MAPK10: variants seen among roughly 807,000 people sequenced by gnomAD.
MAPK10 encodes the protein mitogen-activated protein kinase 10.
In MAPK10, 25 loss-of-function variants were observed where a neutral mutation model predicts 59.3. The observed-to-expected ratio is 0.42, with a 90% CI of 0.31 to 0.59. The LOEUF is 0.59. MAPK10 is among the 20% of genes least tolerant of loss of function. The probability of loss-of-function intolerance (pLI) is 0.15; values close to 1 mark genes in which losing one functional copy is unlikely to be tolerated. For synonymous variants in MAPK10, 190 were observed against 200.5 expected (o/e 0.95, Z 0.44); for missense variants, 351 against 568.9 (o/e 0.62, Z 3.90).
chr4:86,571,327 C>T (rs1190680833), intron 1 of MAPK10, among the ~76,000 whole-genome samples: 1 of 139,644 alleles, frequency 7.2e-6, no homozygotes, highest in Non-Finnish European at 1.6e-5. Context: ...TATATATATA[C>T]GTGTGTGTGT....
intron 2 of MAPK10, among the ~76,000 whole-genome samples, chr4:86,244,316 A>C (rs1249637933): frequency 3.9e-5 from 6 of 152,230 alleles, no homozygotes; most frequent in Non-Finnish European, 8.8e-5. Context: ...TTATTCATAC[A>C]AGATCATTTT....
At chr4:86,522,578 T>A (rs1236345989) in intron 1 of MAPK10, among the ~76,000 whole-genome samples, 2 of 151,754 alleles carry the variant, frequency 1.3e-5, no homozygotes, top group African/African-American at 4.8e-5. Flanking sequence ...AAAAAAAAAA[T>A]TCTCCTGTTT....
intron 2 of MAPK10, among the ~76,000 whole-genome samples, chr4:86,337,514 G>A (rs1370309351): frequency 6.6e-6 from 1 of 152,132 alleles, no homozygotes; most frequent in African/African-American, 2.4e-5. Flanking sequence ...AAACAGAATG[G>A]GGAAATAGAA....
intron 1 of MAPK10, among the ~76,000 whole-genome samples, chr4:86,559,305 C>A (rs920508150): frequency 1.3e-5 from 2 of 151,552 alleles, no homozygotes; most frequent in African/African-American, 4.8e-5. Context: ...TCTAAAAATC[C>A]TATAATTTAA....
At chr4:86,400,332 C>T (rs978341996) in intron 1 of MAPK10, among the ~76,000 whole-genome samples, 1 of 152,080 alleles carries the variant, frequency 6.6e-6, no homozygotes, top group East Asian at 1.9e-4. Context: ...GATAAAGTGT[C>T]GTATTACAAG....
chr4:86,476,064 C>T (rs113612734), intron 1 of MAPK10, among the ~76,000 whole-genome samples: 13,356 of 152,128 alleles, frequency 0.088, 979 homozygotes, highest in African/African-American at 0.2. Context: ...AGATGCCTGA[C>T]GTCCAGGCAT....
chr4:86,129,196 C>T (rs2060586051), intron 4 of MAPK10, among the ~76,000 whole-genome samples: 1 of 152,060 alleles, frequency 6.6e-6, no homozygotes, highest in Non-Finnish European at 1.5e-5. Context: ...GATAAGGAAA[C>T]TGAGTCCCAT....
intron 2 of MAPK10, among the ~76,000 whole-genome samples, chr4:86,196,420 T>C (rs1321408343): frequency 6.6e-6 from 1 of 152,212 alleles, no homozygotes; most frequent in East Asian, 1.9e-4. Flanking sequence ...GTAAGCTTTT[T>C]TCTTGTAAAT....
At position 86,410,492 on chromosome 4, in the gene MAPK10, TG is replaced by T. The variant is rs1404610067; in HGVS notation, c.-122+42537del. Among the ~76,000 whole-genome samples the T allele has an allele frequency of 3.3e-5, 5 of 152,326 alleles. No homozygotes were observed. In the East Asian group the frequency reaches 9.6e-4, roughly 29 times the overall value. ...AGAAAGAATGGTACCAGCTCCTTTT[TG>T]TACCTCTGGTAGAATTCGGCTGTGA... On this transcript the variant is annotated intron_variant, in intron 1 of 13. Transcript: ENST00000361569.
intron 4 of MAPK10, among the ~76,000 whole-genome samples, chr4:86,115,029 T>G (rs1328213874): frequency 6.6e-6 from 1 of 152,168 alleles, no homozygotes; most frequent in Non-Finnish European, 1.5e-5. Context: ...ACCAGCAGCG[T>G]AAAATGGCCA....
rs901521162 is a variant in MAPK10, at chr4:86,012,366, A to G, written c.*4862T>C. Reference sequence around the variant, plus strand: ...TACAAGTTTCTTTTACCAGTTGCCAAAATGAAATCATGACACCCTTCAGAG... The same window carrying G: ...TACAAGTTTCTTTTACCAGTTGCCAGAATGAAATCATGACACCCTTCAGAG... On this transcript the variant is annotated 3_prime_UTR_variant, in exon 14 of 14. Transcript: ENST00000641462. 1 of 152,198 alleles carries G rather than the reference A, an allele frequency of 6.6e-6. No individual in the cohort carries two copies. Among genetic ancestry groups the G allele is most frequent in the Non-Finnish European group, 1.5e-5 (1 of 68,034 alleles). 9.4% of individuals were successfully genotyped at this position (152,198 alleles called of 1,614,324 possible). A position where few individuals can be genotyped will look rare whatever the true frequency, so the allele number is the denominator to read the frequency against.
intron 2 of MAPK10, among the ~76,000 whole-genome samples, chr4:86,342,429 C>T (rs763703478): frequency 6.6e-6 from 1 of 152,096 alleles, no homozygotes. Context: ...GACAATAGTT[C>T]CAGGCAGTAT....
intron 1 of MAPK10, among the ~76,000 whole-genome samples, chr4:86,508,356 T>C (rs141070110): frequency 1.1e-3 from 161 of 152,264 alleles, no homozygotes; most frequent in African/African-American, 3.7e-3. Flanking sequence ...TTTTACTTTA[T>C]TTGGGATCTG....
At position 86,031,341 on chromosome 4, in the gene MAPK10, G is replaced by A. The variant is rs372131602; in HGVS notation, c.1174+27C>T. 7.2e-5 allele frequency: 108 copies of A among 1,504,718 alleles called. No individual in the cohort carries two copies. The African/African-American group carries it at 1.5e-3, about 20-fold the overall frequency. 93.2% of individuals were successfully genotyped at this position (1,504,718 alleles called of 1,614,324 possible). ...CTTTCTGAGTTCAATAAAATAAAAA[G>A]TATACTTTTTTAAGTAGTAGACTTA... On this transcript the variant is annotated intron_variant, in intron 12 of 13. Coordinates refer to ENST00000641462, the MANE Select transcript of MAPK10 (RefSeq NM_138982.4).
intron 4 of MAPK10, among the ~76,000 whole-genome samples, chr4:86,143,741 A>G (rs539092765): frequency 2.1e-3 from 324 of 152,380 alleles, no homozygotes; most frequent in Non-Finnish European, 4.0e-3. Flanking sequence ...GAATATAATG[A>G]AATAGATGTG....
chr4:86,493,491 G>T (rs183423157), intron 1 of MAPK10, among the ~76,000 whole-genome samples: 11 of 152,006 alleles, frequency 7.2e-5, no homozygotes, highest in African/African-American at 2.7e-4. Context: ...GATTTAATTT[G>T]GGCTGTCTTT....
intron 2 of MAPK10, among the ~76,000 whole-genome samples, chr4:86,257,689 GCTTT>G (rs754414336): frequency 1.3e-5 from 2 of 152,132 alleles, no homozygotes; most frequent in South Asian, 2.1e-4. Context: ...CCACATTTTA[GCTTT>G]CTATTACCTA....
intron 9 of MAPK10, among the ~76,000 whole-genome samples, chr4:86,077,509 G>A (rs2049747674): frequency 6.6e-6 from 1 of 152,064 alleles, no homozygotes; most frequent in African/African-American, 2.4e-5. Flanking sequence ...CTTACTAAGT[G>A]GAATCATAAG....
chr4:86,337,022 C>T (rs1721884444), intron 2 of MAPK10, among the ~76,000 whole-genome samples: 1 of 152,178 alleles, frequency 6.6e-6, no homozygotes, highest in South Asian at 2.1e-4. Flanking sequence ...ATCTCCTGAC[C>T]TCGTGATCCA....
Sources: allele counts gnomAD v4.1 joint callset (sites outside exome capture counted in the v4.1 genomes callset), GRCh38; gene constraint gnomAD v4.1.1; transcripts MANE v1.5; gene names NCBI Gene and HGNC (gene_info 2026-07-23, HGNC 2026-07-21).